The following PPIL2 variants were observed in gnomAD, a reference collection of about 807,000 sequenced individuals.
PPIL2 encodes peptidylprolyl isomerase like 2.
Under a neutral mutation model 75.2 loss-of-function variants are expected in PPIL2, and 50 were observed. That is an observed-to-expected ratio of 0.66 (90% CI 0.53 to 0.84). PPIL2 has a LOEUF of 0.84. Among genes scored for constraint, PPIL2 ranks in the 40% least tolerant of loss-of-function variants. The pLI, the probability that PPIL2 is intolerant of heterozygous loss-of-function variation, is 0.00. For synonymous variants in PPIL2, 245 were observed against 258.8 expected (o/e 0.95, Z 0.51); for missense variants, 590 against 685.0 (o/e 0.86, Z 1.55).
At chr22:21,681,195 C>G in intron 6 of PPIL2, 104 bp from the exon 7 acceptor site, 1 of 911,248 alleles carries the variant, frequency 1.1e-6, no homozygotes, top group South Asian at 1.4e-5. Context: ...CTCCTCCCAT[C>G]GCTGACTTTG....
At position 21,692,390 on chromosome 22, in the gene PPIL2, G is replaced by C. The variant is rs563435013; in HGVS notation, c.1140-1426G>C. 4.0e-5 allele frequency among the ~76,000 whole-genome samples: 6 copies of C among 151,584 alleles called. No homozygotes were observed. The South Asian group carries it at 8.4e-4, about 21-fold the overall frequency. ...AGGATGGTCTCGATCTCCTGACCTTGTGATCCGCCCACCTTGGCCTCCCAA... is the reference window on the plus strand; with the variant it reads ...AGGATGGTCTCGATCTCCTGACCTTCTGATCCGCCCACCTTGGCCTCCCAA... On this transcript the variant is annotated intron_variant, in intron 15 of 19. Coordinates refer to ENST00000398831, the MANE Select transcript of PPIL2 (RefSeq NM_014337.4).
rs35412833 is a variant in PPIL2, at chr22:21,681,375, C to T, written c.372C>T (p.Asn124=). 2.0e-3 allele frequency: 3,300 copies of T among 1,613,556 alleles called. 49 individuals are homozygous for T. The African/African-American group carries it at 0.037, about 18-fold the overall frequency. ...THIVAVRTTG[N]VYAYEAVEQL... ...TCGTGGCTGTGAGGACGACCGGCAACGTCTACGCCTATGAGGTGTGTCCTC... is the reference window on the plus strand; with the variant it reads ...TCGTGGCTGTGAGGACGACCGGCAATGTCTACGCCTATGAGGTGTGTCCTC... The change falls in exon 7 of 20, where the codon AAC becomes AAT. Residue 124 remains asparagine, a synonymous_variant. Transcript: ENST00000398831.
intron 12 of PPIL2, 125 bp from the exon 13 acceptor site, chr22:21,687,518 A>G: frequency 3.0e-6 from 2 of 666,564 alleles, no homozygotes; most frequent in South Asian, 3.8e-5. Context: ...GCGCCACAGC[A>G]CTCCAGCCTG....
Position 21,684,806 on chromosome 22 carries a change from G to GA in PPIL2, c.608dup (p.Thr204AspfsTer59). 1 of 1,614,176 alleles carries GA rather than the reference G, an allele frequency of 6.2e-7. No homozygotes were observed. The highest frequency in any genetic ancestry group is 1.1e-5 in the South Asian group (1 of 91,088). On this transcript the variant is annotated frameshift_variant, in exon 10 of 20. Transcript: ENST00000398831. LOFTEE classifies it high-confidence loss of function. ...TTATTATCTGAAAAATACAAATGCC[G>GA]AGACCCGAGAGACCCTGCAGGAGCT...
rs958258117 is a variant in PPIL2 at position 21,693,696 on chromosome 22, C to G, written c.1140-120C>G. On this transcript the variant is annotated intron_variant, in intron 15 of 19. Coordinates refer to ENST00000398831, the MANE Select transcript of PPIL2 (RefSeq NM_014337.4). The stretch of plus-strand genomic sequence containing the variant: ...AGGGAACCACGTGCACACATGCGTC[C>G]GTGGAAGCTGCAGGTTCCCAGAGCT... The G allele has an allele frequency of 2.9e-6, 3 of 1,017,488 alleles. No homozygotes were observed. In the African/African-American group the frequency reaches 4.7e-5, roughly 16 times the overall value. The allele number at this position is 1,017,488 out of a possible 1,614,324, so 63.0% of individuals were successfully genotyped here. A position where few individuals can be genotyped will look rare whatever the true frequency, so the allele number is the denominator to read the frequency against.
chr22:21,692,276 C>T (rs1447060202), intron 15 of PPIL2, among the ~76,000 whole-genome samples: 2 of 152,046 alleles, frequency 1.3e-5, no homozygotes, highest in Non-Finnish European at 2.9e-5. Flanking sequence ...CTGCCTCAGC[C>T]TCCCTAGTAG....
intron 10 of PPIL2, among the ~76,000 whole-genome samples, chr22:21,685,300 G>A (rs1289160222): frequency 6.6e-6 from 1 of 152,188 alleles, no homozygotes; most frequent in Non-Finnish European, 1.5e-5. Flanking sequence ...GGGAGGGCAG[G>A]GCCCGATGTG....
chr22:21,672,477 G>T, intron 5 of PPIL2, 96 bp downstream of exon 5: 1 of 1,287,334 alleles, frequency 7.8e-7, no homozygotes. Context: ...AGGAACATGG[G>T]AGAGAACCGT....
intron 1 of PPIL2, among the ~76,000 whole-genome samples, chr22:21,666,887 T>C (rs1212908646): frequency 1.3e-5 from 2 of 152,164 alleles, no homozygotes; most frequent in Non-Finnish European, 2.9e-5. Flanking sequence ...TGCCGCCGTG[T>C]TGTTTCTCTT....
chr22:21,672,420 T>A, intron 5 of PPIL2, 39 bp downstream of exon 5: 1 of 1,549,256 alleles, frequency 6.5e-7, no homozygotes, highest in Non-Finnish European at 8.9e-7. Flanking sequence ...TGCTAGTGAA[T>A]GCTATCCTCT....
At chr22:21,683,394 G>A (rs2067212481) in intron 9 of PPIL2, 137 bp downstream of exon 9, 2 of 727,004 alleles carry the variant, frequency 2.8e-6, no homozygotes, top group Admixed American at 2.5e-5. Flanking sequence ...CTGAACTAGT[G>A]TTCAGAGAAT....
intron 10 of PPIL2, among the ~76,000 whole-genome samples, 166 bp downstream of exon 10, chr22:21,685,079 C>T (rs2067301306): frequency 6.6e-6 from 1 of 152,360 alleles, no homozygotes; most frequent in South Asian, 2.1e-4. Flanking sequence ...TCTGAGTGCA[C>T]AGCCCTGGGG....
At chr22:21,694,722 ACCTGCCGT>A in intron 17 of PPIL2, 25 bp from the exon 18 acceptor site, 1 of 1,611,028 alleles carries the variant, frequency 6.2e-7, no homozygotes, top group East Asian at 2.2e-5. Flanking sequence ...CAGGGGGAGG[ACCTGCCGT>A]GCACTGAGCC....
At chr22:21,687,037 C>A in intron 12 of PPIL2, 39 bp downstream of exon 12, 2 of 1,546,026 alleles carry the variant, frequency 1.3e-6, no homozygotes, top group South Asian at 1.1e-5. Flanking sequence ...GCCCCAAGGT[C>A]ATCTCTGGGT....
Position 21,694,968 on chromosome 22 carries a change from T to G in PPIL2, c.1364T>G (p.Val455Gly). 6.2e-7 allele frequency: 1 copy of G among 1,613,860 alleles called. No individual in the cohort carries two copies. Among genetic ancestry groups the G allele is most frequent in the Non-Finnish European group, 8.5e-7 (1 of 1,180,002 alleles). Reference protein sequence around the residue: ...IAQERKTQLKVAPETKVKSSQ... With the variant: ...IAQERKTQLKGAPETKVKSSQ... ...CAGGAGCGGAAGACACAGCTCAAGG[T>G]AGCCCCGGAGACCAAAGTGAAGAGC... The change falls in exon 19 of 20, where the codon GTA (valine) becomes GGA (glycine). Residue 455 changes from valine (V) to glycine (G), a missense_variant. Val to Gly is a moderately radical substitution (Grantham distance 109, BLOSUM62 -3). Coordinates refer to ENST00000398831, the MANE Select transcript of PPIL2 (RefSeq NM_014337.4).
At position 21,686,558 on chromosome 22, in the gene PPIL2, GGTAGCCACCTTGGCCTCT is replaced by G. The variant is rs1227559361; in HGVS notation, c.790+11_790+28del. ...GGTCCCGGAGACCACACATGAAGCA[GGTAGCCACCTTGGCCTCT>G]GTAGCCACCTGCCATGTGACCCAAA... On this transcript the variant is annotated splice_donor_variant and splice_donor_5th_base_variant and intron_variant, in intron 11 of 19. Transcript: ENST00000398831. LOFTEE classifies it high-confidence loss of function. 6.2e-7 allele frequency: 1 copy of G among 1,613,872 alleles called. No individual in the cohort carries two copies. The highest frequency in any genetic ancestry group is 8.5e-7 in the Non-Finnish European group (1 of 1,179,896).
chr22:21,675,411 C>T (rs576049531), intron 6 of PPIL2, among the ~76,000 whole-genome samples: 7 of 152,308 alleles, frequency 4.6e-5, no homozygotes, highest in African/African-American at 1.7e-4. Flanking sequence ...TGGCGGGCGC[C>T]TGTAGTCCCA....
At chr22:21,679,302 C>T (rs2067007050) in intron 6 of PPIL2, among the ~76,000 whole-genome samples, 2 of 151,708 alleles carry the variant, frequency 1.3e-5, no homozygotes, top group South Asian at 4.2e-4. Flanking sequence ...TCAGCATCCC[C>T]CCACCAAAAA....
At chr22:21,672,479 G>T in intron 5 of PPIL2, 98 bp downstream of exon 5, 4 of 1,276,000 alleles carry the variant, frequency 3.1e-6, no homozygotes, top group Non-Finnish European at 4.5e-6. Flanking sequence ...GAACATGGGA[G>T]AGAACCGTTC....
Sources: gnomAD v4.1 joint callset for allele counts (sites outside exome capture counted in the v4.1 genomes callset) on GRCh38, gnomAD v4.1.1 for gene constraint, MANE v1.5 for transcripts, NCBI Gene and HGNC (gene_info 2026-07-23, HGNC 2026-07-21) for gene names.